CNTNAP2: variants seen among roughly 807,000 people sequenced by gnomAD.
The protein encoded by CNTNAP2 is contactin-associated protein-like 2.
Under a neutral mutation model 155.2 loss-of-function variants are expected in CNTNAP2, and 98 were observed. The ratio of observed to expected loss-of-function variants is 0.63; its 90% confidence interval spans 0.54 to 0.75. The LOEUF (loss-of-function observed/expected upper bound fraction) is 0.75, where lower values mean the gene tolerates loss of function less well. CNTNAP2 is among the 30% of genes least tolerant of loss of function. The probability of loss-of-function intolerance (pLI) is 0.00; values close to 1 mark genes in which losing one functional copy is unlikely to be tolerated. For synonymous variants in CNTNAP2, 651 were observed against 631.2 expected (o/e 1.03, Z -0.47); for missense variants, 1,727 against 1,688.1 (o/e 1.02, Z -0.40).
intron 8 of CNTNAP2, among the ~76,000 whole-genome samples, chr7:147,158,427 C>T (rs1389419702): frequency 6.6e-6 from 1 of 152,042 alleles, no homozygotes; most frequent in African/African-American, 2.4e-5. Flanking sequence ...TGACTTTATT[C>T]TGCACCATGG....
At position 146,519,008 on chromosome 7, in the gene CNTNAP2, C is replaced by T. The variant is rs531617494; in HGVS notation, c.98-255263C>T. 3.9e-5 allele frequency among the ~76,000 whole-genome samples: 6 copies of T among 151,988 alleles called. 1 individual carries two copies. The highest frequency in any genetic ancestry group is 1.4e-4 in the African/African-American group (6 of 41,540). On this transcript the variant is annotated intron_variant, in intron 1 of 23. Transcript: ENST00000361727. ...TCAGTATCACATCTGTGAAGGTTTT[C>T]TTTCTACATTAAACAGTTTATAATA...
chr7:148,148,299 C>T (rs1805233854), intron 17 of CNTNAP2, among the ~76,000 whole-genome samples: 1 of 152,164 alleles, frequency 6.6e-6, no homozygotes, highest in Non-Finnish European at 1.5e-5. Flanking sequence ...TCCAGACACC[C>T]AGTCTAATCT....
chr7:147,045,218 G>A (rs73467030), intron 4 of CNTNAP2, among the ~76,000 whole-genome samples: 1 of 151,822 alleles, frequency 6.6e-6, no homozygotes, highest in Non-Finnish European at 1.5e-5. Context: ...TTATTAGCCC[G>A]TTTCCTACTC....
chr7:147,440,639 G>A (rs1797621534), intron 10 of CNTNAP2, among the ~76,000 whole-genome samples: 2 of 152,090 alleles, frequency 1.3e-5, no homozygotes, highest in South Asian at 4.2e-4. Flanking sequence ...ATTTCTTGCA[G>A]GACAGATCTG....
chr7:148,012,799 T>C (rs1290988978), intron 15 of CNTNAP2, among the ~76,000 whole-genome samples: 1 of 152,200 alleles, frequency 6.6e-6, no homozygotes, highest in Non-Finnish European at 1.5e-5. Flanking sequence ...CTAAAAGTAA[T>C]GTTACTTTTG....
chr7:147,391,495 A>G (rs1260417765), intron 9 of CNTNAP2, among the ~76,000 whole-genome samples: 2 of 152,124 alleles, frequency 1.3e-5, no homozygotes, highest in African/African-American at 2.4e-5. Flanking sequence ...TGTTACCTCC[A>G]ATATAGTTAT....
intron 14 of CNTNAP2, among the ~76,000 whole-genome samples, chr7:147,951,109 T>G (rs968350659): frequency 3.3e-5 from 5 of 152,218 alleles, no homozygotes; most frequent in Non-Finnish European, 7.3e-5. Context: ...GATAGCGATT[T>G]AATTCTCAGG....
chr7:146,343,044 G>A (rs903280878), intron 1 of CNTNAP2, among the ~76,000 whole-genome samples: 1 of 151,086 alleles, frequency 6.6e-6, no homozygotes, highest in Non-Finnish European at 1.5e-5. Flanking sequence ...CATTTTTTCT[G>A]TTTTTCAAAC....
chr7:148,092,404 A>G (rs1181522517), intron 15 of CNTNAP2, among the ~76,000 whole-genome samples: 1 of 152,214 alleles, frequency 6.6e-6, no homozygotes, highest in Non-Finnish European at 1.5e-5. Context: ...CTTCCCTGAA[A>G]AAATGGAGAG....
intron 13 of CNTNAP2, among the ~76,000 whole-genome samples, chr7:147,780,597 G>A (rs1438276523): frequency 6.6e-6 from 1 of 152,162 alleles, no homozygotes; most frequent in African/African-American, 2.4e-5. Flanking sequence ...CAAAAAATAA[G>A]AGGCATGAAA....
chr7:146,486,237 TG>T (rs1173610225), intron 1 of CNTNAP2, among the ~76,000 whole-genome samples: 1 of 151,874 alleles, frequency 6.6e-6, no homozygotes, highest in East Asian at 1.9e-4. Flanking sequence ...GCTAATTTTT[TG>T]TATTTTTAGT....
chr7:146,303,550 T>A (rs947507224), intron 1 of CNTNAP2, among the ~76,000 whole-genome samples: 1 of 152,038 alleles, frequency 6.6e-6, no homozygotes, highest in Non-Finnish European at 1.5e-5. Flanking sequence ...CTGGAGCAGG[T>A]TTTTCAGTTT....
chr7:148,329,383 C>A (rs1319541409), intron 21 of CNTNAP2, among the ~76,000 whole-genome samples: 1 of 152,174 alleles, frequency 6.6e-6, no homozygotes, highest in Non-Finnish European at 1.5e-5. Context: ...ACTGTTTGTT[C>A]ATTCCTCTGA....
Position 146,461,550 on chromosome 7 carries a change from G to A in CNTNAP2, c.98-312721G>A, listed in dbSNP as rs563227666. Among the ~76,000 whole-genome samples the A allele has an allele frequency of 1.1e-4, 16 of 152,260 alleles. No homozygotes were observed. In the East Asian group the frequency reaches 3.1e-3, roughly 29 times the overall value. On this transcript the variant is annotated intron_variant, in intron 1 of 23. Coordinates refer to ENST00000361727, the MANE Select transcript of CNTNAP2 (RefSeq NM_014141.6). ...AAATCTTTAAATTTTTAAAATAAAT[G>A]TGATTCTCACAGAAAAATTATCTAA...
At position 147,953,415 on chromosome 7, in the gene CNTNAP2, G is replaced by A. The variant is rs540333690; in HGVS notation, c.2256-24447G>A. ...GCTCTTCTTTCCTTCTAAGAAATAC[G>A]ATTCTCATTCCATACCTAGATGATG... On this transcript the variant is annotated intron_variant, in intron 14 of 23. Coordinates refer to ENST00000361727, the MANE Select transcript of CNTNAP2 (RefSeq NM_014141.6). 3.4e-5 allele frequency among the ~76,000 whole-genome samples: 5 copies of A among 145,606 alleles called. No homozygotes were observed. In the South Asian group the frequency reaches 7.2e-4, roughly 21 times the overall value.
At chr7:148,375,464 AT>A (rs1039886158) in intron 21 of CNTNAP2, among the ~76,000 whole-genome samples, 1 of 150,422 alleles carries the variant, frequency 6.6e-6, no homozygotes, top group Non-Finnish European at 1.5e-5. Flanking sequence ...GGTTCAAGTG[AT>A]TCTCTTGCCT....
chr7:146,440,615 T>C (rs962965900), intron 1 of CNTNAP2, among the ~76,000 whole-genome samples: 1 of 151,546 alleles, frequency 6.6e-6, no homozygotes, highest in African/African-American at 2.4e-5. Flanking sequence ...TCTTGAGAAT[T>C]TCATTACCTA....
At chr7:146,974,710 A>C (rs1797873542) in intron 3 of CNTNAP2, among the ~76,000 whole-genome samples, 1 of 152,148 alleles carries the variant, frequency 6.6e-6, no homozygotes, top group African/African-American at 2.4e-5. Context: ...TTTAGAAGCA[A>C]GAATAGGACT....
At chr7:146,250,312 C>T (rs1280477088) in intron 1 of CNTNAP2, among the ~76,000 whole-genome samples, 3 of 152,118 alleles carry the variant, frequency 2.0e-5, no homozygotes, top group African/African-American at 7.2e-5. Context: ...CATTTTTGGC[C>T]TACAGAAGGA....
Sources: gnomAD v4.1 joint callset for allele counts (sites outside exome capture counted in the v4.1 genomes callset) on GRCh38, gnomAD v4.1.1 for gene constraint, MANE v1.5 for transcripts, NCBI Gene and HGNC (gene_info 2026-07-23, HGNC 2026-07-21) for gene names.